The following ZBTB7B variants were observed in gnomAD, a reference collection of about 807,000 sequenced individuals.
The protein encoded by ZBTB7B is zinc finger and BTB domain-containing protein 7B.
Under a neutral mutation model 31.0 loss-of-function variants are expected in ZBTB7B, and 8 were observed. That is an observed-to-expected ratio of 0.26 (90% CI 0.15 to 0.47). ZBTB7B has a LOEUF of 0.47. Among genes scored for constraint, ZBTB7B ranks in the 20% least tolerant of loss-of-function variants. The pLI, the probability that ZBTB7B is intolerant of heterozygous loss-of-function variation, is 0.99. For missense variants in ZBTB7B, 494 were observed against 742.4 expected, an observed-to-expected ratio of 0.67 and a Z score of 3.89; for synonymous variants, 261 against 307.3, an observed-to-expected ratio of 0.85 and a Z score of 1.58.
chr1:155,007,888 C>T (rs138477675), intron 1 of ZBTB7B, among the ~76,000 whole-genome samples: 65 of 152,198 alleles, frequency 4.3e-4, no homozygotes, highest in African/African-American at 1.3e-3. Flanking sequence ...TTCTATGGTA[C>T]CCCCAAGCCT....
chr1:155,010,811 G>C (rs957704116), intron 1 of ZBTB7B: 20 of 888,680 alleles, frequency 2.3e-5, no homozygotes, highest in South Asian at 1.4e-4. Flanking sequence ...GAGTTGGGGT[G>C]GGGGGGTGGA....
chr1:155,010,846 G>A, intron 1 of ZBTB7B: 1 of 1,292,136 alleles, frequency 7.7e-7, no homozygotes. Context: ...AGAAGTAAGG[G>A]GGAGGGGTGG....
intron 1 of ZBTB7B, among the ~76,000 whole-genome samples, chr1:155,009,843 A>C (rs368429816): frequency 6.6e-6 from 1 of 152,184 alleles, no homozygotes; most frequent in East Asian, 1.9e-4. Context: ...GCAGGGGGCC[A>C]ATGGAGAAAG....
chr1:155,002,796 C>T, upstream of ZBTB7B: 1 of 154,324 alleles, frequency 6.5e-6, no homozygotes, highest in East Asian at 1.9e-4. Context: ...GGAGGAGGAG[C>T]CCCCCAGCAG....
intron 1 of ZBTB7B, chr1:155,013,929 G>A: frequency 1.6e-6 from 1 of 638,650 alleles, no homozygotes; most frequent in Non-Finnish European, 1.9e-6. Context: ...AAGGGGAGAT[G>A]AACTTTTGGT....
rs1215383590 is a variant in ZBTB7B at position 155,015,180 on chromosome 1, G to A, written c.520G>A (p.Val174Ile). 2.5e-6 allele frequency: 4 copies of A among 1,613,760 alleles called. No individual in the cohort carries two copies. The South Asian group carries it at 3.3e-5, about 13-fold the overall frequency. Residue 174 changes from valine (V) to isoleucine (I), a missense_variant, in exon 2 of 3, where the codon GTT (valine) becomes ATT (isoleucine). By Grantham distance (29) the Val-to-Ile change is conservative. Coordinates refer to ENST00000535420, the MANE Select transcript of ZBTB7B (RefSeq NM_001256455.2). The stretch of plus-strand genomic sequence containing the variant: ...CTTTGCCACAGCCACGGCCTCTGGA[G>A]TTCCCAATGGTGAAGACAGTCCTCC... ...EAFATATASG[V>I]PNGEDSPPQV...
At chr1:155,014,379 G>A (rs759867924) in intron 1 of ZBTB7B, 12 of 462,258 alleles carry the variant, frequency 2.6e-5, no homozygotes, top group African/African-American at 3.9e-5. Context: ...TAGTATAGTG[G>A]TTAGGAACAA....
rs1658393858 is a variant in ZBTB7B, at chr1:155,003,829, T to C, written c.-7+886T>C. Among the ~76,000 whole-genome samples the C allele has an allele frequency of 6.6e-6, 1 of 152,070 alleles. No homozygotes were observed. Among genetic ancestry groups the C allele is most frequent in the African/African-American group, 2.4e-5 (1 of 41,414 alleles). ...GGGGGCGCTGCTTTCAATTTCCAGC[T>C]TTCTCTCCCTCCTCCCACCCCATCC... On this transcript the variant is annotated intron_variant, in intron 1 of 2. Coordinates refer to ENST00000535420, the MANE Select transcript of ZBTB7B (RefSeq NM_001256455.2). This position sits in a 1 kb window ranked among gnomAD's most constrained non-coding sequence, Gnocchi z 5.8.
In ZBTB7B at chr1:155,015,825, A is replaced by T. The variant is rs770937112; in HGVS notation, c.1154+11A>T. 6.2e-7 allele frequency: 1 copy of T among 1,604,612 alleles called. No homozygotes were observed. Among genetic ancestry groups the T allele is most frequent in the South Asian group, 1.1e-5 (1 of 90,652 alleles). ...TGTTCGATTCACCAGGTGAGCAGCA[A>T]GGGGGGAAGGGCCCGGCAGGGGCCA... On this transcript the variant is annotated intron_variant, in intron 2 of 2. Transcript: ENST00000535420.
Position 155,018,252 on chromosome 1 carries a change from GA to G in ZBTB7B, c.*1568del, listed in dbSNP as rs754704708. 3 of 421,524 alleles carry G rather than the reference GA, an allele frequency of 7.1e-6. No individual in the cohort carries two copies. Among genetic ancestry groups the G allele is most frequent in the Non-Finnish European group, 8.7e-6 (2 of 230,870 alleles). The allele number at this position is 421,524 out of a possible 1,614,324, so 26.1% of individuals were successfully genotyped here. A position where few individuals can be genotyped will look rare whatever the true frequency, so the allele number is the denominator to read the frequency against. ...AGTCCCTGTTATCTATTTAAAAAGT[GA>G]TGATGTAATATATTGGGGTGGCGGG... On this transcript the variant is annotated 3_prime_UTR_variant, in exon 3 of 3. Transcript: ENST00000535420.
chr1:155,015,880 G>T (rs1210373282), intron 2 of ZBTB7B, 66 bp downstream of exon 2: 1 of 1,553,518 alleles, frequency 6.4e-7, no homozygotes, highest in African/African-American at 1.4e-5. Context: ...GAGGAGATGG[G>T]GAAGAAGTTA....
intron 1 of ZBTB7B, among the ~76,000 whole-genome samples, chr1:155,011,177 G>A (rs1205083688): frequency 6.6e-6 from 1 of 152,244 alleles, no homozygotes; most frequent in Admixed American, 6.5e-5. Context: ...GCTTTACTCA[G>A]CTGCCCTGTT....
At position 155,015,035 on chromosome 1, in the gene ZBTB7B, C is replaced by T. The variant is rs2102309614; in HGVS notation, c.375C>T (p.Ala125=). 6.2e-7 allele frequency: 1 copy of T among 1,613,924 alleles called. No homozygotes were observed. Among genetic ancestry groups the T allele is most frequent in the Non-Finnish European group, 8.5e-7 (1 of 1,180,018 alleles). Reference sequence around the variant, plus strand: ...ACATGCCAGCTGTGCTCCAGGCTGCCCGCCTGCTGGAGATCCCGTGTGTCA... The same window carrying T: ...ACATGCCAGCTGTGCTCCAGGCTGCTCGCCTGCTGGAGATCCCGTGTGTCA... The part of the protein sequence containing the change: ...SANMPAVLQA[A]RLLEIPCVIA... Residue 125 remains alanine (A), a synonymous_variant, in exon 2 of 3, where the codon GCC becomes GCT. Coordinates refer to ENST00000535420, the MANE Select transcript of ZBTB7B (RefSeq NM_001256455.2).
At position 155,011,040 on chromosome 1, in the gene ZBTB7B, G is replaced by C. The variant is rs1390095242; in HGVS notation, c.-6-3615G>C. Reference sequence around the variant, plus strand: ...GGTAGGGGCCTTGGAACCTGGGGAGGGGGGGCTCTGCGTGCCTGTGTCCCA... The same window carrying C: ...GGTAGGGGCCTTGGAACCTGGGGAGCGGGGGCTCTGCGTGCCTGTGTCCCA... On this transcript the variant is annotated intron_variant, in intron 1 of 2. Coordinates refer to ENST00000535420, the MANE Select transcript of ZBTB7B (RefSeq NM_001256455.2). 6.6e-6 allele frequency: 10 copies of C among 1,519,806 alleles called. 1 individual carries two copies. Among genetic ancestry groups the C allele is most frequent in the Non-Finnish European group, 7.1e-6 (8 of 1,133,574 alleles). The allele number at this position is 1,519,806 out of a possible 1,614,324, so 94.1% of individuals were successfully genotyped here.
In ZBTB7B at chr1:155,015,360, G is replaced by A; in HGVS notation, c.700G>A (p.Glu234Lys). The A allele has an allele frequency of 6.3e-7, 1 of 1,578,348 alleles. No homozygotes were observed. Among genetic ancestry groups the A allele is most frequent in the Non-Finnish European group, 8.6e-7 (1 of 1,158,592 alleles). ...AGTGCCCGCCCATCCCTTGACCTAT[G>A]AGGAGGAGGAGGTGGCGGGCAGAGT... ...PTVPAHPLTY[E>K]EEEVAGRVGS... Residue 234 changes from glutamate (E) to lysine (K), a missense_variant, in exon 2 of 3, where the codon GAG (glutamate) becomes AAG (lysine). Physicochemically the swap from Glu to Lys is moderately conservative, Grantham distance 56. Coordinates refer to ENST00000535420, the MANE Select transcript of ZBTB7B (RefSeq NM_001256455.2).
chr1:155,011,137 T>C lies in ZBTB7B; in HGVS notation c.-6-3518T>C. 5 of 923,596 alleles carry C rather than the reference T, an allele frequency of 5.4e-6. No individual in the cohort carries two copies. The South Asian group carries it at 6.0e-5, about 11-fold the overall frequency. The allele number at this position is 923,596 out of a possible 1,614,324, so 57.2% of individuals were successfully genotyped here. ...CCCCCCACACTAAGCCTCACTCCCCTAATCCCCAGGGTGGGGGAAAGGGGG... is the reference window on the plus strand; with the variant it reads ...CCCCCCACACTAAGCCTCACTCCCCCAATCCCCAGGGTGGGGGAAAGGGGG... On this transcript the variant is annotated intron_variant, in intron 1 of 2. Coordinates refer to ENST00000535420, the MANE Select transcript of ZBTB7B (RefSeq NM_001256455.2).
rs201308239 is a variant in ZBTB7B at position 155,014,859 on chromosome 1, G to A, written c.199G>A (p.Gly67Ser). ...HYFKKLFTEG[G>S]GGAVMGAGGS... ...CTTCAAGAAGCTTTTCACTGAGGGC[G>A]GTGGCGGAGCTGTCATGGGGGCCGG... The change falls in exon 2 of 3, where the codon GGT (glycine) becomes AGT (serine). Residue 67 changes from glycine to serine, a missense_variant. Physicochemically the swap from Gly to Ser is moderately conservative, Grantham distance 56 (BLOSUM62 0). Transcript: ENST00000535420. 1.8e-5 allele frequency: 29 copies of A among 1,614,092 alleles called. No individual in the cohort carries two copies. The highest frequency in any genetic ancestry group is 2.7e-5 in the African/African-American group (2 of 74,932).
intron 1 of ZBTB7B, among the ~76,000 whole-genome samples, chr1:155,005,973 A>G (rs1339396051): frequency 2.0e-5 from 3 of 152,168 alleles, no homozygotes; most frequent in Non-Finnish European, 4.4e-5. Flanking sequence ...GGGACAAGAA[A>G]GACCCCCACA....
chr1:155,003,430 C>G lies in ZBTB7B; in HGVS notation c.-7+487C>G, dbSNP rs1016197420. On this transcript the variant is annotated intron_variant, in intron 1 of 2. Coordinates refer to ENST00000535420, the MANE Select transcript of ZBTB7B (RefSeq NM_001256455.2). This position sits in a 1 kb window ranked among gnomAD's most constrained non-coding sequence, Gnocchi z 5.8. ...CAGTTGCATGGGGGTTGGGGGGGCGCAGGAGGAGCCGCGGCTTGGGGGAAA... is the reference window on the plus strand; with the variant it reads ...CAGTTGCATGGGGGTTGGGGGGGCGGAGGAGGAGCCGCGGCTTGGGGGAAA... Among the ~76,000 whole-genome samples the G allele has an allele frequency of 7.2e-5, 11 of 152,068 alleles. No individual in the cohort carries two copies. Among genetic ancestry groups the G allele is most frequent in the Non-Finnish European group, 1.5e-4 (10 of 67,966 alleles).
Sources: allele counts gnomAD v4.1 joint callset (sites outside exome capture counted in the v4.1 genomes callset), GRCh38; gene constraint gnomAD v4.1.1; non-coding constraint Gnocchi (gnomAD v3.1); transcripts MANE v1.5; gene names NCBI Gene and HGNC (gene_info 2026-07-23, HGNC 2026-07-21).